Variants in UBIAD1 observed in about 807,000 individuals in gnomAD.
UBIAD1 encodes the protein ubiA prenyltransferase domain-containing protein 1.
In UBIAD1, 12 loss-of-function variants were observed where a neutral mutation model predicts 20.1. The observed-to-expected ratio is 0.60, with a 90% confidence interval of 0.38 to 0.97. The LOEUF is 0.97. Among genes scored for constraint, UBIAD1 ranks in the 50% least tolerant of loss-of-function variants. The probability of loss-of-function intolerance (pLI) is 0.00; values close to 1 mark genes in which losing one functional copy is unlikely to be tolerated. For synonymous variants in UBIAD1, 207 were observed against 189.2 expected (o/e 1.09, Z -0.77); for missense variants, 333 against 419.5 (o/e 0.79, Z 1.80).
At chr1:11,289,126 A>C (rs1411499456), downstream of UBIAD1, among the ~76,000 whole-genome samples, 2 of 152,196 alleles carry the variant, frequency 1.3e-5, no homozygotes, top group Non-Finnish European at 2.9e-5. Flanking sequence ...AGGCAGAGAG[A>C]CGTGGGATGG....
chr1:11,292,768 C>T (rs1638388311), downstream of UBIAD1, among the ~76,000 whole-genome samples: 1 of 152,050 alleles, frequency 6.6e-6, no homozygotes, highest in African/African-American at 2.4e-5. Context: ...GACAGCTCCT[C>T]TCTGAGCCCT....
rs575987133 is a variant in UBIAD1 at position 11,277,353 on chromosome 1, G to A, written c.529+3293G>A. On this transcript the variant is annotated intron_variant, in intron 1 of 1. Transcript: ENST00000376810. ...TCTGTCGCCTAGGCTGGGGTACAGT[G>A]GTGCGATCTTGGCTTACCACAATCT... 2.0e-5 allele frequency among the ~76,000 whole-genome samples: 3 copies of A among 148,942 alleles called. No individual in the cohort carries two copies. In the South Asian group the frequency reaches 6.3e-4, roughly 31 times the overall value.
rs1569904060 is a variant in UBIAD1, at chr1:11,286,287, A to G, written c.*156A>G. ...TTGTTTTTGTGTTCTTAAAGATAAT[A>G]TGTTGTTTTTCTGTTTTTTGTTTTT... On this transcript the variant is annotated 3_prime_UTR_variant, in exon 2 of 2. Transcript: ENST00000376810. 2 of 973,166 alleles carry G rather than the reference A, an allele frequency of 2.1e-6. No individual in the cohort carries two copies. Among genetic ancestry groups the G allele is most frequent in the South Asian group, 3.1e-5 (2 of 64,452 alleles). The allele number at this position is 973,166 out of a possible 1,614,324, so 60.3% of individuals were successfully genotyped here. A position where few individuals can be genotyped will look rare whatever the true frequency, so the allele number is the denominator to read the frequency against.
At chr1:11,280,150 G>A (rs1652193828) in intron 1 of UBIAD1, among the ~76,000 whole-genome samples, 2 of 152,210 alleles carry the variant, frequency 1.3e-5, no homozygotes, top group Non-Finnish European at 2.9e-5. Context: ...ATAAGGAGCT[G>A]GCCACGGGGT....
chr1:11,293,208 A>T (rs776987162), downstream of UBIAD1, among the ~76,000 whole-genome samples: 6 of 151,982 alleles, frequency 3.9e-5, no homozygotes, highest in Non-Finnish European at 8.8e-5. Flanking sequence ...ATGTTAAGGG[A>T]TCCCAAGGGG....
downstream of UBIAD1, among the ~76,000 whole-genome samples, chr1:11,297,743 C>A (rs1353083225): frequency 1.3e-5 from 2 of 152,050 alleles, no homozygotes; most frequent in South Asian, 4.1e-4. Flanking sequence ...GTTGAGAATG[C>A]GCTGAAGAAG....
intron 1 of UBIAD1, among the ~76,000 whole-genome samples, chr1:11,284,833 G>A (rs1638225023): frequency 6.6e-6 from 1 of 152,162 alleles, no homozygotes; most frequent in South Asian, 2.1e-4. Flanking sequence ...TGGAGAGGGG[G>A]AGGGGTTATG....
chr1:11,298,604 A>G (rs1268475027), downstream of UBIAD1, among the ~76,000 whole-genome samples: 1 of 151,704 alleles, frequency 6.6e-6, no homozygotes, highest in Non-Finnish European at 1.5e-5. The surrounding 1 kb of genome is among the most constrained non-coding windows in gnomAD (Gnocchi z 4.0). Context: ...AAATAAATAA[A>G]TAAAAGTTTC....
chr1:11,273,311 A>G lies in UBIAD1; in HGVS notation c.-221A>G. The G allele has an allele frequency of 1.7e-6, 1 of 596,326 alleles. No homozygotes were observed. Among genetic ancestry groups the G allele is most frequent in the South Asian group, 2.0e-5 (1 of 51,092 alleles). 36.9% of individuals were successfully genotyped at this position (596,326 alleles called of 1,614,324 possible). A position where few individuals can be genotyped will look rare whatever the true frequency, so the allele number is the denominator to read the frequency against. ...ACGCGGGGCTGGGGGCCGGAGACAG[A>G]CTTCGCCCAGGTGACGGGTAGTAGG... On this transcript the variant is annotated 5_prime_UTR_variant, in exon 1 of 2. Transcript: ENST00000376810. This position sits in a 1 kb window ranked among gnomAD's most constrained non-coding sequence, Gnocchi z 4.9.
At chr1:11,284,840 T>A (rs1638225241) in intron 1 of UBIAD1, among the ~76,000 whole-genome samples, 1 of 151,994 alleles carries the variant, frequency 6.6e-6, no homozygotes, top group Admixed American at 6.6e-5. Flanking sequence ...GGGGAGGGGT[T>A]ATGAGAGGGG....
rs1016640932 is a variant in UBIAD1, at chr1:11,287,206, T to G, written c.*1075T>G. Reference sequence around the variant, plus strand: ...TGAATAGCCAGTGGACAAACAGTCTTGAGCTCTGTTCAGCCAGAGTGATGG... The same window carrying G: ...TGAATAGCCAGTGGACAAACAGTCTGGAGCTCTGTTCAGCCAGAGTGATGG... On this transcript the variant is annotated 3_prime_UTR_variant, in exon 2 of 2. Transcript: ENST00000376810. The G allele has an allele frequency of 2.6e-5, 4 of 152,318 alleles. No individual in the cohort carries two copies. Among genetic ancestry groups the G allele is most frequent in the African/African-American group, 9.7e-5 (4 of 41,446 alleles). The allele number at this position is 152,318 out of a possible 1,614,324, so 9.4% of individuals were successfully genotyped here. A position where few individuals can be genotyped will look rare whatever the true frequency, so the allele number is the denominator to read the frequency against.
downstream of UBIAD1, chr1:11,293,424 A>T (rs1453709069): frequency 2.0e-5 from 3 of 152,246 alleles, no homozygotes; most frequent in Non-Finnish European, 2.9e-5. Context: ...TTCTCCCAGT[A>T]AGTGGTAGGA....
At chr1:11,281,420 A>T (rs1652238632) in intron 1 of UBIAD1, among the ~76,000 whole-genome samples, 1 of 152,176 alleles carries the variant, frequency 6.6e-6, no homozygotes, top group South Asian at 2.1e-4. Flanking sequence ...CTCTGGTATT[A>T]GCTGAACCCC....
chr1:11,277,417 T>C (rs865824656), intron 1 of UBIAD1, among the ~76,000 whole-genome samples: 1 of 151,348 alleles, frequency 6.6e-6, no homozygotes. Context: ...GTAGCTGGGA[T>C]TACAGGTGCC....
chr1:11,277,469 G>A (rs953553450), intron 1 of UBIAD1, among the ~76,000 whole-genome samples: 2 of 151,402 alleles, frequency 1.3e-5, no homozygotes, highest in Non-Finnish European at 2.9e-5. Context: ...ACGGGGTTTC[G>A]CCATGTTGGC....
At chr1:11,292,307 A>G (rs1442288171), downstream of UBIAD1, among the ~76,000 whole-genome samples, 1 of 152,114 alleles carries the variant, frequency 6.6e-6, no homozygotes, top group Admixed American at 6.6e-5. Flanking sequence ...ACCTGGCCAG[A>G]TCAGGAAGGT....
intron 1 of UBIAD1, among the ~76,000 whole-genome samples, chr1:11,274,936 T>C (rs1651956562): frequency 6.6e-6 from 1 of 152,216 alleles, no homozygotes; most frequent in African/African-American, 2.4e-5. Flanking sequence ...GTCTCATTTT[T>C]TTTTTTAATC....
At chr1:11,289,779 A>G (rs1638335024), downstream of UBIAD1, among the ~76,000 whole-genome samples, 1 of 151,958 alleles carries the variant, frequency 6.6e-6, no homozygotes, top group Non-Finnish European at 1.5e-5. Flanking sequence ...CGCACGGGCT[A>G]GAGTGCAGTG....
At chr1:11,288,676 G>A (rs1343700736), downstream of UBIAD1, among the ~76,000 whole-genome samples, 2 of 152,200 alleles carry the variant, frequency 1.3e-5, no homozygotes, top group Non-Finnish European at 2.9e-5. Context: ...GTGAGGCCAA[G>A]GTGAGAGGAT....
Sources: gnomAD v4.1 joint callset for allele counts (sites outside exome capture counted in the v4.1 genomes callset) on GRCh38, gnomAD v4.1.1 for gene constraint, Gnocchi (gnomAD v3.1) non-coding constraint, MANE v1.5 for transcripts, NCBI Gene and HGNC (gene_info 2026-07-23, HGNC 2026-07-21) for gene names.